Variants in NARS2 observed in about 807,000 individuals in gnomAD.
NARS2 encodes the protein asparaginyl-tRNA synthetase 2, mitochondrial, also known as asparaginyl-tRNA synthetase.
Under a neutral mutation model 62.9 loss-of-function variants are expected in NARS2, and 60 were observed. The ratio of observed to expected loss-of-function variants is 0.95; its 90% confidence interval spans 0.77 to 1.18. The LOEUF (loss-of-function observed/expected upper bound fraction) is 1.18, where lower values mean the gene tolerates loss of function less well. NARS2 is among the 50% of genes most tolerant of loss of function. The pLI is 0.00. For synonymous variants in NARS2, 196 were observed against 200.0 expected (o/e 0.98, Z 0.17); for missense variants, 619 against 576.4 (o/e 1.07, Z -0.76).
chr11:78,477,866 C>T (rs1453530014), intron 9 of NARS2, among the ~76,000 whole-genome samples: 1 of 152,150 alleles, frequency 6.6e-6, no homozygotes, highest in Non-Finnish European at 1.5e-5. Context: ...TTAAATGCAA[C>T]AAGCATCTAC....
intron 4 of NARS2, among the ~76,000 whole-genome samples, chr11:78,561,661 T>C (rs569805632): frequency 3.9e-5 from 6 of 152,090 alleles, no homozygotes; most frequent in Non-Finnish European, 8.8e-5. Flanking sequence ...GAAACTGAAA[T>C]AACTATTATT....
At chr11:78,441,797 CTT>C (rs1036432989) in intron 12 of NARS2, among the ~76,000 whole-genome samples, 3 of 151,792 alleles carry the variant, frequency 2.0e-5, no homozygotes. Context: ...AGAGATATAA[CTT>C]TCATTCTTCA....
rs146551508 is a variant in NARS2 at position 78,452,282 on chromosome 11, T to C, written c.1165-8524A>G. Among the ~76,000 whole-genome samples the C allele has an allele frequency of 1.7e-3, 264 of 152,144 alleles. 1 individual carries two copies. Among genetic ancestry groups the C allele is most frequent in the African/African-American group, 5.8e-3 (242 of 41,500 alleles). The stretch of plus-strand genomic sequence containing the variant: ...GCCACCATGCTCAGCTAATTTTTTA[T>C]ATTTTTAGTAGAGAAGGGATTTCAC... On this transcript the variant is annotated intron_variant, in intron 11 of 13. Coordinates refer to ENST00000281038, the MANE Select transcript of NARS2 (RefSeq NM_024678.6).
At chr11:78,479,091 G>C (rs1565225435) in intron 7 of NARS2, among the ~76,000 whole-genome samples, 1 of 152,104 alleles carries the variant, frequency 6.6e-6, no homozygotes, top group Non-Finnish European at 1.5e-5. Context: ...CTGGCTCAGA[G>C]AAACACACAA....
intron 6 of NARS2, among the ~76,000 whole-genome samples, chr11:78,498,108 G>T (rs886875227): frequency 2.0e-5 from 3 of 152,112 alleles, no homozygotes; most frequent in Admixed American, 6.5e-5. Context: ...CAACACATAG[G>T]TCCCAAGGTA....
chr11:78,499,274 ATTC>A (rs961526276), intron 6 of NARS2, among the ~76,000 whole-genome samples: 3 of 152,004 alleles, frequency 2.0e-5, no homozygotes, highest in African/African-American at 4.8e-5. Context: ...CAAATAAGTA[ATTC>A]TTCTTCTATA....
chr11:78,454,570 C>T (rs115862252), intron 11 of NARS2, among the ~76,000 whole-genome samples: 1,634 of 151,836 alleles, frequency 0.011, 33 homozygotes, highest in African/African-American at 0.039. Context: ...GTACAGTCTG[C>T]AGAACCACGA....
chr11:78,444,727 C>CAAAGA (rs56788561), intron 11 of NARS2, among the ~76,000 whole-genome samples: 3 of 92,410 alleles, frequency 3.2e-5, no homozygotes, highest in Non-Finnish European at 5.1e-5. Flanking sequence ...TCAAACAAAA[C>CAAAGA]AAAAAAAAAA....
intron 6 of NARS2, among the ~76,000 whole-genome samples, chr11:78,502,082 C>T (rs1370683251): frequency 6.6e-6 from 1 of 152,196 alleles, no homozygotes; most frequent in African/African-American, 2.4e-5. Context: ...AGGCCACATA[C>T]TATATGATTT....
intron 6 of NARS2, among the ~76,000 whole-genome samples, chr11:78,519,126 C>T (rs1038882516): frequency 2.0e-5 from 3 of 152,206 alleles, no homozygotes; most frequent in Non-Finnish European, 4.4e-5. Flanking sequence ...GTCAGTTTCA[C>T]ACCCAATTGT....
Position 78,566,201 on chromosome 11 carries a change from C to T in NARS2, c.444G>A (p.Arg148=), listed in dbSNP as rs767527172. ...TCAATATAGAACCCAGAACGTTAGT[C>T]CTACACCTAAAGTGAGGATATTGTC... ...YLRQYPHFRC[R]TNVLGSILRI... The change falls in exon 4 of 14, where the codon AGG becomes AGA. Residue 148 remains arginine (R), a synonymous_variant. Coordinates refer to ENST00000281038, the MANE Select transcript of NARS2 (RefSeq NM_024678.6). The T allele has an allele frequency of 1.2e-6, 2 of 1,612,854 alleles. No homozygotes were observed. The highest frequency in any genetic ancestry group is 2.7e-5 in the African/African-American group (2 of 74,896).
At chr11:78,446,438 C>A (rs1192182869) in intron 11 of NARS2, among the ~76,000 whole-genome samples, 1 of 152,162 alleles carries the variant, frequency 6.6e-6, no homozygotes, top group Non-Finnish European at 1.5e-5. Flanking sequence ...AGGAGGAAGT[C>A]TGGTATCTTT....
At chr11:78,539,388 T>C (rs1855522086) in intron 5 of NARS2, among the ~76,000 whole-genome samples, 1 of 152,176 alleles carries the variant, frequency 6.6e-6, no homozygotes, top group African/African-American at 2.4e-5. Context: ...GTCTGACATC[T>C]AGATTTTTTA....
At chr11:78,469,383 C>A in intron 9 of NARS2, 70 bp from the exon 10 acceptor site, 1 of 1,139,686 alleles carries the variant, frequency 8.8e-7, no homozygotes, top group Admixed American at 1.7e-5. Context: ...CATTTTAAAA[C>A]CAGAAAAAGC....
At chr11:78,445,965 A>AAT (rs1555009028) in intron 11 of NARS2, among the ~76,000 whole-genome samples, 3 of 151,932 alleles carry the variant, frequency 2.0e-5, no homozygotes, top group Non-Finnish European at 4.4e-5. Context: ...GTCTCAAAAA[A>AAT]ATATATATAT....
At chr11:78,514,822 A>G (rs921585327) in intron 6 of NARS2, among the ~76,000 whole-genome samples, 1 of 152,238 alleles carries the variant, frequency 6.6e-6, no homozygotes, top group Non-Finnish European at 1.5e-5. Context: ...AGACAGAGAC[A>G]CTAAATCATT....
chr11:78,437,920 A>G (rs1379865204), intron 13 of NARS2, among the ~76,000 whole-genome samples: 9 of 142,596 alleles, frequency 6.3e-5, no homozygotes, highest in Non-Finnish European at 1.5e-5. Context: ...GGTTGCAGTG[A>G]GCAGAGATGG....
intron 7 of NARS2, among the ~76,000 whole-genome samples, chr11:78,480,470 G>C (rs1051363431): frequency 6.6e-6 from 1 of 151,988 alleles, no homozygotes; most frequent in African/African-American, 2.4e-5. Context: ...GGCCAGGCTG[G>C]TCTTGAACTC....
At chr11:78,513,803 A>T (rs571523563) in intron 6 of NARS2, among the ~76,000 whole-genome samples, 78 of 152,202 alleles carry the variant, frequency 5.1e-4, no homozygotes, top group African/African-American at 1.8e-3. Flanking sequence ...CCCCAATCTC[A>T]TGTTGAGTTG....
Sources: gnomAD v4.1 joint callset for allele counts (sites outside exome capture counted in the v4.1 genomes callset) on GRCh38, gnomAD v4.1.1 for gene constraint, MANE v1.5 for transcripts, NCBI Gene and HGNC (gene_info 2026-07-23, HGNC 2026-07-21) for gene names.